Variants in MAP4K1 observed in about 807,000 individuals in gnomAD.
The protein encoded by MAP4K1 is mitogen-activated protein kinase kinase kinase kinase 1.
Under a neutral mutation model 122.8 loss-of-function variants are expected in MAP4K1, and 35 were observed. That is an observed-to-expected ratio of 0.29 (90% CI 0.22 to 0.38). The LOEUF is 0.38. Among genes scored for constraint, MAP4K1 ranks in the 10% least tolerant of loss-of-function variants. The pLI is 1.00. For missense variants in MAP4K1, 791 were observed against 1,072.6 expected, an observed-to-expected ratio of 0.74 and a Z score of 3.67; for synonymous variants, 412 against 421.3, an observed-to-expected ratio of 0.98 and a Z score of 0.27.
intron 19 of MAP4K1, 56 bp downstream of exon 19, chr19:38,605,353 C>A: frequency 8.5e-6 from 11 of 1,296,422 alleles, no homozygotes; most frequent in Non-Finnish European, 1.1e-5. Flanking sequence ...CCCCACCCCA[C>A]CAGGCATCCC....
intron 29 of MAP4K1, among the ~76,000 whole-genome samples, chr19:38,593,788 C>T (rs565322167): frequency 2.6e-5 from 4 of 152,092 alleles, no homozygotes; most frequent in East Asian, 3.9e-4. Flanking sequence ...GGGTGAGGCA[C>T]GAGAATCGCT....
chr19:38,602,251 T>C (rs1816473478), intron 19 of MAP4K1, among the ~76,000 whole-genome samples: 1 of 151,880 alleles, frequency 6.6e-6, no homozygotes, highest in Non-Finnish European at 1.5e-5. Flanking sequence ...AATTTTTGTA[T>C]TTTAGTAGAG....
chr19:38,607,484 C>T (rs1975360220), intron 16 of MAP4K1, among the ~76,000 whole-genome samples: 1 of 145,392 alleles, frequency 6.9e-6, no homozygotes, highest in South Asian at 2.2e-4. Context: ...CGCTTGAACC[C>T]GGGGAGCCGA....
chr19:38,603,174 A>C (rs529301231), intron 19 of MAP4K1, among the ~76,000 whole-genome samples: 2 of 149,922 alleles, frequency 1.3e-5, no homozygotes, highest in South Asian at 4.2e-4. Flanking sequence ...ATATATACAC[A>C]TGTACATATA....
rs142550499 is a variant in MAP4K1, at chr19:38,596,784, C to G, written c.1941+250G>C. Among the ~76,000 whole-genome samples, 1,351 of 152,294 alleles carry G rather than the reference C, an allele frequency of 8.9e-3. 9 individuals are homozygous for G. The highest frequency in any genetic ancestry group is 0.014 in the Non-Finnish European group (952 of 68,020). On this transcript the variant is annotated intron_variant, in intron 25 of 30. Coordinates refer to ENST00000396857, the MANE Select transcript of MAP4K1 (RefSeq NM_001042600.3). ...AGGCTCTAAATGGGCTCTACTAGGA[C>G]ACCCAGGGAGTGGCAGCATTGAGCC...
At chr19:38,596,248 GCCT>G in intron 26 of MAP4K1, 61 bp downstream of exon 26, 1 of 1,476,148 alleles carries the variant, frequency 6.8e-7, no homozygotes, top group Non-Finnish European at 9.0e-7. Context: ...GCGAAGCCCC[GCCT>G]CCAGCTCCGC....
rs766694148 is a variant in MAP4K1, at chr19:38,593,359, C to G, written c.2341-22G>C. 11 of 1,596,750 alleles carry G rather than the reference C, an allele frequency of 6.9e-6. No homozygotes were observed. The Admixed American group carries it at 1.7e-4, about 25-fold the overall frequency. ...GCAGCTAGGGAAAAAAAGTGTGTGT[C>G]TCAGTGCCTGGAAGATACCTCCACT... On this transcript the variant is annotated intron_variant, in intron 29 of 30. Coordinates refer to ENST00000396857, the MANE Select transcript of MAP4K1 (RefSeq NM_001042600.3).
At chr19:38,602,559 CATATACAT>C (rs1173126083) in intron 19 of MAP4K1, among the ~76,000 whole-genome samples, 12 of 146,680 alleles carry the variant, frequency 8.2e-5, no homozygotes, top group South Asian at 2.2e-4. Context: ...TATATACACA[CATATACAT>C]ATATACATAT....
At chr19:38,616,149 G>T (rs781149704) in intron 4 of MAP4K1, 46 bp downstream of exon 4, 4 of 1,487,400 alleles carry the variant, frequency 2.7e-6, no homozygotes, top group Non-Finnish European at 3.7e-6. Flanking sequence ...GGGTTGGGGG[G>T]TGGGGATAGG....
Position 38,588,515 on chromosome 19 carries a change from T to C in MAP4K1, c.2397-698A>G, listed in dbSNP as rs532690685. 6.7e-3 allele frequency among the ~76,000 whole-genome samples: 1,010 copies of C among 151,806 alleles called. 5 individuals are homozygous for C. Among genetic ancestry groups the C allele is most frequent in the Non-Finnish European group, 9.2e-3 (625 of 67,938 alleles). The stretch of plus-strand genomic sequence containing the variant: ...AGACCAGCCTGGCCAATATGGTGAA[T>C]CCCATCTCTACTAAAACTACAAAAA... On this transcript the variant is annotated intron_variant, in intron 30 of 30. Coordinates refer to ENST00000396857, the MANE Select transcript of MAP4K1 (RefSeq NM_001042600.3).
At chr19:38,595,270 CAA>C (rs879690897) in intron 29 of MAP4K1, among the ~76,000 whole-genome samples, 1 of 151,954 alleles carries the variant, frequency 6.6e-6, no homozygotes, top group Non-Finnish European at 1.5e-5. Flanking sequence ...GCCTGGGCAA[CAA>C]GAGTGAAACT....
At position 38,601,509 on chromosome 19, in the gene MAP4K1, A is replaced by C; in HGVS notation, c.1463T>G (p.Val488Gly). ...GAGGGGGCAGCCATTGAACAACTTT[A>C]CGAGAAGGGCACATCCCTGGGCAGG... ...KMKRKGCALL[V>G]KLFNGCPLRI... Residue 488 changes from valine to glycine, a missense_variant, in exon 20 of 31, where the codon GTA (valine) becomes GGA (glycine). Val to Gly is a moderately radical substitution (Grantham distance 109). Transcript: ENST00000396857. 1 of 1,608,284 alleles carries C rather than the reference A, an allele frequency of 6.2e-7. No individual in the cohort carries two copies.
intron 19 of MAP4K1, among the ~76,000 whole-genome samples, chr19:38,601,970 G>C (rs2098657): frequency 0.051 from 7,749 of 152,134 alleles, 540 homozygotes; most frequent in East Asian, 0.27. Flanking sequence ...TAGAGATGGA[G>C]TTTTGCCATG....
chr19:38,592,101 G>C (rs916754765), intron 30 of MAP4K1, among the ~76,000 whole-genome samples: 5 of 152,086 alleles, frequency 3.3e-5, no homozygotes, highest in Non-Finnish European at 7.4e-5. Flanking sequence ...GCAAGACCCC[G>C]TCTCTACAAA....
At chr19:38,587,976 A>T (rs1974575743) in intron 30 of MAP4K1, among the ~76,000 whole-genome samples, 159 bp from the exon 31 acceptor site, 1 of 152,182 alleles carries the variant, frequency 6.6e-6, no homozygotes, top group Admixed American at 6.5e-5. Context: ...TGCATTCTAG[A>T]GAAGGAGATC....
chr19:38,596,300 C>A lies in MAP4K1; in HGVS notation c.2116+12G>T, dbSNP rs1239848144. 3 of 1,548,350 alleles carry A rather than the reference C, an allele frequency of 1.9e-6. No individual in the cohort carries two copies. Among genetic ancestry groups the A allele is most frequent in the East Asian group, 2.3e-5 (1 of 43,064 alleles). On this transcript the variant is annotated intron_variant, in intron 26 of 30. Coordinates refer to ENST00000396857, the MANE Select transcript of MAP4K1 (RefSeq NM_001042600.3). ...ATAAGCCCCGCCCTCAGCAAGACTCCGCCCCACTCACCGGTGCTCATCTCG... is the reference window on the plus strand; with the variant it reads ...ATAAGCCCCGCCCTCAGCAAGACTCAGCCCCACTCACCGGTGCTCATCTCG...
chr19:38,596,533 G>C lies in MAP4K1; in HGVS notation c.1942-47C>G, dbSNP rs1278340684. ...GCGGGCTAGGGGGTGGTTCAGGACG[G>C]GGCCTCAGGGGGCGTGGCTTGTAGC... On this transcript the variant is annotated intron_variant, in intron 25 of 30. Transcript: ENST00000396857. 4.9e-6 allele frequency: 7 copies of C among 1,423,900 alleles called. No homozygotes were observed. The South Asian group carries it at 9.5e-5, about 19-fold the overall frequency. 88.2% of individuals were successfully genotyped at this position (1,423,900 alleles called of 1,614,324 possible). A position where few individuals can be genotyped will look rare whatever the true frequency, so the allele number is the denominator to read the frequency against.
intron 30 of MAP4K1, among the ~76,000 whole-genome samples, chr19:38,592,140 G>A (rs1402384674): frequency 2.0e-5 from 3 of 152,088 alleles, no homozygotes; most frequent in Non-Finnish European, 4.4e-5. Flanking sequence ...CAGTTGTGGT[G>A]GTGTATGCCT....
At chr19:38,610,692 T>C (rs1975471965) in intron 11 of MAP4K1, among the ~76,000 whole-genome samples, 1 of 151,910 alleles carries the variant, frequency 6.6e-6, no homozygotes, top group Admixed American at 6.6e-5. Context: ...AGCCGACCGG[T>C]GGGAGTCTAA....
Sources: gnomAD v4.1 joint callset for allele counts (sites outside exome capture counted in the v4.1 genomes callset) on GRCh38, gnomAD v4.1.1 for gene constraint, MANE v1.5 for transcripts, NCBI Gene and HGNC (gene_info 2026-07-23, HGNC 2026-07-21) for gene names.